The following DBT variants were observed in gnomAD, a reference collection of about 807,000 sequenced individuals.
DBT encodes the protein lipoamide acyltransferase component of branched-chain alpha-keto acid dehydrogenase complex, mitochondrial.
Under a neutral mutation model 51.3 loss-of-function variants are expected in DBT, and 40 were observed. The ratio of observed to expected loss-of-function variants is 0.78; its 90% CI spans 0.61 to 1.02. DBT has a LOEUF of 1.02. Ranked by LOEUF, DBT falls within the 50% of genes least tolerant of loss-of-function variation. The pLI, the probability that DBT is intolerant of heterozygous loss-of-function variation, is 0.00. For missense variants in DBT, 510 were observed against 580.2 expected (o/e 0.88, Z 1.24); for synonymous variants, 181 against 190.4 (o/e 0.95, Z 0.41).
chr1:100,203,801 G>A (rs978105237), intron 10 of DBT, among the ~76,000 whole-genome samples: 1 of 152,052 alleles, frequency 6.6e-6, no homozygotes, highest in African/African-American at 2.4e-5. Flanking sequence ...TTCAACATGT[G>A]CAAATCAATA....
intron 7 of DBT, among the ~76,000 whole-genome samples, chr1:100,211,398 TG>T (rs1302043813): frequency 6.6e-6 from 1 of 152,244 alleles, no homozygotes; most frequent in African/African-American, 2.4e-5. Context: ...GTACCCAAAA[TG>T]TTCTTGATAA....
Position 100,187,145 on chromosome 1 carries a change from A to T in DBT, c.*9110T>A, listed in dbSNP as rs1390564427. ...ATTGTGTAAAGATAGTTCTCATATG[A>T]AATATATCACCTAAGCAGTAGTAAT... On this transcript the variant is annotated 3_prime_UTR_variant, in exon 11 of 11. Transcript: ENST00000370132. The T allele has an allele frequency of 1.3e-5, 2 of 152,234 alleles. No individual in the cohort carries two copies. The highest frequency in any genetic ancestry group is 2.9e-5 in the Non-Finnish European group (2 of 68,044). The allele number at this position is 152,234 out of a possible 1,614,324, so 9.4% of individuals were successfully genotyped here. A position where few individuals can be genotyped will look rare whatever the true frequency, so the allele number is the denominator to read the frequency against.
At chr1:100,215,007 C>T in intron 6 of DBT, 24 bp from the exon 7 acceptor site, 1 of 1,452,872 alleles carries the variant, frequency 6.9e-7, no homozygotes, top group Non-Finnish European at 9.6e-7. Context: ...AATTGTTATT[C>T]ATTTATTTAA....
At chr1:100,213,710 T>C in intron 7 of DBT, 4 of 1,587,410 alleles carry the variant, frequency 2.5e-6, no homozygotes, top group Non-Finnish European at 3.4e-6. Flanking sequence ...CCCAGCTCTC[T>C]TTTTCTAATG....
chr1:100,208,939 AG>A (rs1661964214), intron 8 of DBT, among the ~76,000 whole-genome samples: 2 of 151,142 alleles, frequency 1.3e-5, no homozygotes, highest in African/African-American at 2.4e-5. Flanking sequence ...AAAAGAAAAA[AG>A]CAAGTTAAAG....
chr1:100,206,614 G>C lies in DBT; in HGVS notation c.1040C>G (p.Ala347Gly), dbSNP rs768127014. 6.2e-7 allele frequency: 1 copy of C among 1,608,534 alleles called. No individual in the cohort carries two copies. Among genetic ancestry groups the C allele is most frequent in the Non-Finnish European group, 8.5e-7 (1 of 1,175,056 alleles). ...TYKASHNIGI[A>G]MDTEQGLIVP... is the part of the protein sequence containing the mutation. ...AATCAAACCCTGCTCAGTATCCATTGCTATCCCAATGTTATGAGAAGCCTA... is the reference window on the plus strand; with the variant it reads ...AATCAAACCCTGCTCAGTATCCATTCCTATCCCAATGTTATGAGAAGCCTA... The change falls in exon 9 of 11, where the codon GCA becomes GGA. Residue 347 changes from alanine to glycine, a missense_variant. Coordinates refer to ENST00000370132, the MANE Select transcript of DBT (RefSeq NM_001918.5).
intron 4 of DBT, among the ~76,000 whole-genome samples, chr1:100,220,329 T>C (rs1662778319): frequency 6.6e-6 from 1 of 152,164 alleles, no homozygotes; most frequent in African/African-American, 2.4e-5. Flanking sequence ...AGGAAATCAG[T>C]GATGTATACA....
rs1015400866 is a variant in DBT at position 100,200,376 on chromosome 1, G to A, written c.1282-3954C>T. 2.6e-5 allele frequency among the ~76,000 whole-genome samples: 4 copies of A among 152,200 alleles called. No individual in the cohort carries two copies. The South Asian group carries it at 8.3e-4, about 31-fold the overall frequency. On this transcript the variant is annotated intron_variant, in intron 10 of 10. Coordinates refer to ENST00000370132, the MANE Select transcript of DBT (RefSeq NM_001918.5). Reference sequence around the variant, plus strand: ...CTCTAGATTCCTCCTCTCTGGGCAGGCATCTCTGAAAGAAAGGCAGCAGCA... The same window carrying A: ...CTCTAGATTCCTCCTCTCTGGGCAGACATCTCTGAAAGAAAGGCAGCAGCA...
rs1267135531 is a variant in DBT at position 100,230,641 on chromosome 1, AC to A, written c.433+91del. On this transcript the variant is annotated intron_variant, in intron 4 of 10. Transcript: ENST00000370132. Reference sequence around the variant, plus strand: ...ATAAATAGGAATAGAAAAAAAAAAAACAAAAAAACAAAGATCACTTTTAATT... The same window carrying A: ...ATAAATAGGAATAGAAAAAAAAAAAAAAAAAAACAAAGATCACTTTTAATT... The A allele has an allele frequency of 1.8e-5, 15 of 812,922 alleles. No individual in the cohort carries two copies. In the African/African-American group the frequency reaches 2.5e-4, roughly 13 times the overall value. The allele number at this position is 812,922 out of a possible 1,614,324, so 50.4% of individuals were successfully genotyped here. A position where few individuals can be genotyped will look rare whatever the true frequency, so the allele number is the denominator to read the frequency against.
chr1:100,243,143 TC>T (rs1353169731), intron 1 of DBT, among the ~76,000 whole-genome samples: 4 of 150,724 alleles, frequency 2.7e-5, no homozygotes, highest in African/African-American at 9.8e-5. Flanking sequence ...GCACACGTAG[TC>T]CCAGCTACTT....
At chr1:100,197,790 G>C (rs1297812137) in intron 10 of DBT, among the ~76,000 whole-genome samples, 3 of 152,042 alleles carry the variant, frequency 2.0e-5, no homozygotes, top group Non-Finnish European at 2.9e-5. Flanking sequence ...CAAGGAAAAC[G>C]AATACTGAGA....
At chr1:100,215,514 T>G (rs1373132918) in intron 6 of DBT, among the ~76,000 whole-genome samples, 3 of 152,194 alleles carry the variant, frequency 2.0e-5, no homozygotes, top group Non-Finnish European at 4.4e-5. Context: ...GGAAAAGCTA[T>G]GCTATTTCAC....
chr1:100,229,605 C>T (rs1164357831), intron 4 of DBT, among the ~76,000 whole-genome samples: 1 of 152,128 alleles, frequency 6.6e-6, no homozygotes, highest in African/African-American at 2.4e-5. Context: ...ATTGTTCCAC[C>T]GACTGTAGAA....
In DBT at chr1:100,194,962, A is replaced by G. The variant is rs1381743411; in HGVS notation, c.*1293T>C. On this transcript the variant is annotated 3_prime_UTR_variant, in exon 11 of 11. Coordinates refer to ENST00000370132, the MANE Select transcript of DBT (RefSeq NM_001918.5). Reference sequence around the variant, plus strand: ...GCAAATTGAAATGTTGGATACATTCATCTCGTTGCTATTTCTGATTAAAGT... The same window carrying G: ...GCAAATTGAAATGTTGGATACATTCGTCTCGTTGCTATTTCTGATTAAAGT... 1.3e-5 allele frequency: 2 copies of G among 152,192 alleles called. No individual in the cohort carries two copies. Among genetic ancestry groups the G allele is most frequent in the Non-Finnish European group, 2.9e-5 (2 of 68,026 alleles). 9.4% of individuals were successfully genotyped at this position (152,192 alleles called of 1,614,324 possible).
At chr1:100,235,022 C>G (rs1489927069) in intron 3 of DBT, among the ~76,000 whole-genome samples, 2 of 151,970 alleles carry the variant, frequency 1.3e-5, no homozygotes, top group African/African-American at 4.8e-5. Context: ...GTTTCAGGCC[C>G]TTTTTTGGAC....
At chr1:100,226,816 T>A (rs1260358309) in intron 4 of DBT, among the ~76,000 whole-genome samples, 1 of 152,108 alleles carries the variant, frequency 6.6e-6, no homozygotes, top group African/African-American at 2.4e-5. Context: ...ATAGAACACA[T>A]AGGAGCCAGG....
chr1:100,208,885 T>C (rs1661956866), intron 8 of DBT, among the ~76,000 whole-genome samples: 3 of 119,726 alleles, frequency 2.5e-5, no homozygotes, highest in African/African-American at 6.6e-5. Flanking sequence ...ATACTTTAGA[T>C]AGGCAACAGA....
At chr1:100,208,517 C>T (rs896672162) in intron 8 of DBT, among the ~76,000 whole-genome samples, 10 of 152,078 alleles carry the variant, frequency 6.6e-5, no homozygotes, top group Non-Finnish European at 1.0e-4. Context: ...TGAGAAACTG[C>T]AAATAATCAT....
At chr1:100,213,261 C>A in intron 7 of DBT, 1 of 1,313,772 alleles carries the variant, frequency 7.6e-7, no homozygotes, top group Non-Finnish European at 9.7e-7. Context: ...GCCGCGTCCC[C>A]GCCGGGGCCG....
Sources: allele counts gnomAD v4.1 joint callset (sites outside exome capture counted in the v4.1 genomes callset), GRCh38; gene constraint gnomAD v4.1.1; transcripts MANE v1.5; gene names NCBI Gene and HGNC (gene_info 2026-07-23, HGNC 2026-07-21).